LRRC7: variants seen among roughly 807,000 people sequenced by gnomAD.
LRRC7 encodes leucine-rich repeat-containing protein 7.
In LRRC7, 23 loss-of-function variants were observed where a neutral mutation model predicts 175.7. That is an observed-to-expected ratio of 0.13 (90% CI 0.09 to 0.19). The LOEUF (loss-of-function observed/expected upper bound fraction) is 0.19. Among genes scored for constraint, LRRC7 ranks in the 10% least tolerant of loss-of-function variants. LRRC7 has a pLI of 1.00. For synonymous variants in LRRC7, 685 were observed against 680.9 expected (o/e 1.01, Z -0.09); for missense variants, 1,354 against 1,904.7 (o/e 0.71, Z 5.38).
chr1:70,045,235 C>T (rs1320412961), intron 22 of LRRC7, among the ~76,000 whole-genome samples: 1 of 151,964 alleles, frequency 6.6e-6, no homozygotes, highest in Non-Finnish European at 1.5e-5. Flanking sequence ...CCGGTCTATA[C>T]TGCAGGACCA....
At chr1:69,599,649 CA>C (rs1265488447) in intron 1 of LRRC7, among the ~76,000 whole-genome samples, 4 of 152,180 alleles carry the variant, frequency 2.6e-5, no homozygotes, top group African/African-American at 9.7e-5. Context: ...CCTTGGCTCC[CA>C]ATTCCTTGGT....
chr1:69,874,207 A>G (rs892398569), intron 7 of LRRC7: 4 of 152,198 alleles, frequency 2.6e-5, no homozygotes, highest in Admixed American at 6.6e-5. Flanking sequence ...TTGGCTTTTC[A>G]TGCAGTTCAA....
chr1:70,099,842 T>C (rs1002835741), intron 25 of LRRC7, among the ~76,000 whole-genome samples: 3 of 152,102 alleles, frequency 2.0e-5, no homozygotes, highest in African/African-American at 7.2e-5. Context: ...GCTTAGCAAT[T>C]CAAATATTCA....
intron 1 of LRRC7, among the ~76,000 whole-genome samples, chr1:69,571,488 T>A (rs1466960152): frequency 6.6e-6 from 1 of 152,194 alleles, no homozygotes; most frequent in Non-Finnish European, 1.5e-5. Context: ...TGAATGTTAT[T>A]GCTTATGAAA....
chr1:69,926,166 C>CA (rs2101752712), intron 7 of LRRC7, among the ~76,000 whole-genome samples: 1 of 147,440 alleles, frequency 6.8e-6, no homozygotes, highest in South Asian at 2.2e-4. Context: ...GTCTGAGAGA[C>CA]AGTTTGTTAT....
intron 7 of LRRC7, among the ~76,000 whole-genome samples, chr1:69,919,006 C>T (rs1361472835): frequency 6.6e-6 from 1 of 152,106 alleles, no homozygotes; most frequent in East Asian, 1.9e-4. Flanking sequence ...CCAAAGGTTT[C>T]AAAAGCAATA....
chr1:69,719,596 A>G (rs1666128559), intron 2 of LRRC7, among the ~76,000 whole-genome samples: 1 of 151,628 alleles, frequency 6.6e-6, no homozygotes, highest in Non-Finnish European at 1.5e-5. Context: ...ATCAGAGCAT[A>G]ACAACCACTA....
intron 1 of LRRC7, among the ~76,000 whole-genome samples, chr1:69,637,884 T>G (rs1653643054): frequency 1.3e-5 from 2 of 151,850 alleles, no homozygotes; most frequent in Non-Finnish European, 2.9e-5. Context: ...AAATGCCACC[T>G]TGAGATAATC....
intron 1 of LRRC7, among the ~76,000 whole-genome samples, chr1:69,644,760 A>T (rs1654752400): frequency 6.6e-6 from 1 of 151,976 alleles, no homozygotes; most frequent in Admixed American, 6.6e-5. Flanking sequence ...TAGCAAATTT[A>T]ATCTACCAAT....
chr1:69,614,305 G>T (rs146434800), intron 1 of LRRC7, among the ~76,000 whole-genome samples: 1 of 151,970 alleles, frequency 6.6e-6, no homozygotes, highest in Non-Finnish European at 1.5e-5. Flanking sequence ...AGATTTTGTT[G>T]TAAAGACAAA....
chr1:69,597,607 G>C (rs557504567), intron 1 of LRRC7, among the ~76,000 whole-genome samples: 1 of 152,156 alleles, frequency 6.6e-6, no homozygotes, highest in Non-Finnish European at 1.5e-5. Flanking sequence ...AATGTCCGTA[G>C]CACCTAAGAA....
chr1:69,967,353 C>T (rs1651767617), intron 8 of LRRC7, among the ~76,000 whole-genome samples: 2 of 152,106 alleles, frequency 1.3e-5, no homozygotes, highest in South Asian at 2.1e-4. Flanking sequence ...CCTAATGCTC[C>T]TCCCCTACAC....
chr1:69,931,256 G>T (rs2101770567), intron 7 of LRRC7, among the ~76,000 whole-genome samples: 1 of 152,102 alleles, frequency 6.6e-6, no homozygotes, highest in East Asian at 1.9e-4. Flanking sequence ...TATTTAATAA[G>T]CTTCTTGGAT....
At chr1:69,757,495 G>C (rs187743278) in intron 2 of LRRC7, among the ~76,000 whole-genome samples, 1 of 152,044 alleles carries the variant, frequency 6.6e-6, no homozygotes, top group African/African-American at 2.4e-5. Context: ...GAGAGAAGAA[G>C]CTGGGCCAAG....
chr1:69,634,084 A>G (rs952850222), intron 1 of LRRC7, among the ~76,000 whole-genome samples: 1 of 152,130 alleles, frequency 6.6e-6, no homozygotes, highest in Non-Finnish European at 1.5e-5. Context: ...TAAAAAATTA[A>G]CATTTTGAAA....
chr1:69,895,446 T>C (rs771287318), intron 7 of LRRC7, among the ~76,000 whole-genome samples: 24 of 152,220 alleles, frequency 1.6e-4, no homozygotes, highest in Non-Finnish European at 2.8e-4. Flanking sequence ...AATAATATGA[T>C]ATTTTTGTAT....
At chr1:70,055,598 G>A (rs1481631456) in intron 23 of LRRC7, among the ~76,000 whole-genome samples, 4 of 152,150 alleles carry the variant, frequency 2.6e-5, no homozygotes. Flanking sequence ...AGGAGGTATA[G>A]CTAGGAAGGC....
chr1:69,698,505 T>C (rs951583926), intron 2 of LRRC7, among the ~76,000 whole-genome samples: 7 of 152,246 alleles, frequency 4.6e-5, no homozygotes, highest in East Asian at 1.9e-4. Flanking sequence ...CGTAATCTTA[T>C]AGAGAAACCC....
intron 4 of LRRC7, among the ~76,000 whole-genome samples, chr1:69,814,513 T>A (rs1244414153): frequency 6.6e-6 from 1 of 152,180 alleles, no homozygotes; most frequent in Non-Finnish European, 1.5e-5. Context: ...ATACTCAGAA[T>A]AACCCTCTGA....
Sources: gnomAD v4.1 joint callset for allele counts (sites outside exome capture counted in the v4.1 genomes callset) on GRCh38, gnomAD v4.1.1 for gene constraint, MANE v1.5 for transcripts, NCBI Gene and HGNC (gene_info 2026-07-23, HGNC 2026-07-21) for gene names.